Variants in GLI2 observed in about 807,000 individuals in gnomAD.
GLI2 encodes GLI family zinc finger 2, also known as transcription activator GLI2.
A neutral mutation model predicts 78.9 loss-of-function variants in GLI2; 22 were observed. The observed-to-expected ratio is 0.28, with a 90% confidence interval of 0.20 to 0.40. The LOEUF (loss-of-function observed/expected upper bound fraction) is 0.40. GLI2 is among the 10% of genes least tolerant of loss of function. The pLI, the probability that GLI2 is intolerant of heterozygous loss-of-function variation, is 1.00. For missense variants in GLI2, 2,097 were observed against 2,213.2 expected (o/e 0.95, Z 1.05); for synonymous variants, 974 against 963.7 (o/e 1.01, Z -0.20).
chr2:120,928,865 A>G (rs1489800082), intron 3 of GLI2, among the ~76,000 whole-genome samples: 2 of 152,258 alleles, frequency 1.3e-5, no homozygotes, highest in Non-Finnish European at 2.9e-5. Context: ...AAATGTGGGC[A>G]TCTTACATAA....
At chr2:120,897,454 T>C (rs751463223) in intron 2 of GLI2, among the ~76,000 whole-genome samples, 8 of 152,210 alleles carry the variant, frequency 5.3e-5, no homozygotes, top group Admixed American at 1.3e-4. Flanking sequence ...GGCTCGACTT[T>C]ACTGTGGGTT....
chr2:120,863,017 A>C (rs1456030351), intron 2 of GLI2, among the ~76,000 whole-genome samples: 1 of 152,178 alleles, frequency 6.6e-6, no homozygotes, highest in Non-Finnish European at 1.5e-5. Context: ...TTGGGTTTTC[A>C]TCCATGTTAA....
chr2:120,859,662 C>T (rs1366853201), intron 2 of GLI2, among the ~76,000 whole-genome samples: 2 of 152,068 alleles, frequency 1.3e-5, no homozygotes, highest in African/African-American at 4.8e-5. Context: ...ACCATGTTGG[C>T]CACAATGGTC....
intron 1 of GLI2, among the ~76,000 whole-genome samples, chr2:120,787,126 AG>A (rs774356778): frequency 2.6e-5 from 4 of 152,172 alleles, no homozygotes; most frequent in Non-Finnish European, 4.4e-5. Flanking sequence ...CTGGCCTGGC[AG>A]GGGGTGGTCC....
intron 2 of GLI2, among the ~76,000 whole-genome samples, chr2:120,924,659 G>A (rs79919107): frequency 0.039 from 5,923 of 152,254 alleles, 354 homozygotes; most frequent in African/African-American, 0.13. Context: ...TTGGGAAAGC[G>A]AACACTGTTT....
At position 120,949,697 on chromosome 2, in the gene GLI2, C is replaced by T. The variant is rs113786706; in HGVS notation, c.255-1546C>T. Among the ~76,000 whole-genome samples the T allele has an allele frequency of 4.8e-3, 726 of 152,340 alleles. 2 individuals carry two copies. The highest frequency in any genetic ancestry group is 0.017 in the African/African-American group (699 of 41,584). Reference sequence around the variant, plus strand: ...AAAGGCAGAAGCAGGTTCGTGGGATCTACATGAGCAGGGCAGTCACGTCTG... The same window carrying T: ...AAAGGCAGAAGCAGGTTCGTGGGATTTACATGAGCAGGGCAGTCACGTCTG... On this transcript the variant is annotated intron_variant, in intron 3 of 13. Coordinates refer to ENST00000361492, the MANE Select transcript of GLI2 (RefSeq NM_001374353.1).
At chr2:120,860,417 G>A (rs1687852077) in intron 2 of GLI2, among the ~76,000 whole-genome samples, 1 of 152,184 alleles carries the variant, frequency 6.6e-6, no homozygotes, top group South Asian at 2.1e-4. Flanking sequence ...CCCAACACAG[G>A]CCCTGGGGCT....
chr2:120,878,492 G>A (rs535479919), intron 2 of GLI2, among the ~76,000 whole-genome samples: 1 of 152,170 alleles, frequency 6.6e-6, no homozygotes, highest in African/African-American at 2.4e-5. Context: ...TGAATCCACT[G>A]AAATATTTAT....
At chr2:120,887,747 G>A (rs970526908) in intron 2 of GLI2, among the ~76,000 whole-genome samples, 3 of 152,182 alleles carry the variant, frequency 2.0e-5, no homozygotes, top group East Asian at 1.9e-4. Context: ...TGTCAGGGTC[G>A]GGGGTCTCCT....
At chr2:120,976,828 G>C (rs1359507054) in intron 9 of GLI2, among the ~76,000 whole-genome samples, 1 of 152,190 alleles carries the variant, frequency 6.6e-6, no homozygotes, top group African/African-American at 2.4e-5. Context: ...CTGTCTGTCT[G>C]TCTCTCTCTG....
intron 3 of GLI2, among the ~76,000 whole-genome samples, chr2:120,940,361 T>TGGGGGGG (rs886580101): frequency 6.6e-6 from 1 of 152,192 alleles, no homozygotes; most frequent in Admixed American, 6.5e-5. Context: ...CTTCAGCCTC[T>TGGGGGGG]GGACTATAGT....
At chr2:120,865,586 C>G (rs985458040) in intron 2 of GLI2, among the ~76,000 whole-genome samples, 4 of 152,216 alleles carry the variant, frequency 2.6e-5, no homozygotes, top group African/African-American at 9.7e-5. Context: ...GTTTTGCTGA[C>G]CCGGGAGCGT....
At chr2:120,756,210 T>C (rs1683028884) in intron 1 of GLI2, among the ~76,000 whole-genome samples, 1 of 152,194 alleles carries the variant, frequency 6.6e-6, no homozygotes, top group Non-Finnish European at 1.5e-5. Flanking sequence ...GAACGAGGTA[T>C]GTCCTTCCAT....
intron 1 of GLI2, among the ~76,000 whole-genome samples, chr2:120,754,883 A>T: frequency 2.1e-5 from 3 of 144,382 alleles, no homozygotes; most frequent in African/African-American, 7.8e-5. Flanking sequence ...ACAGAGTTTC[A>T]CTCTTGTTGC....
chr2:120,882,759 TTG>T (rs1677215118), intron 2 of GLI2, among the ~76,000 whole-genome samples: 1 of 152,254 alleles, frequency 6.6e-6, no homozygotes, highest in Non-Finnish European at 1.5e-5. Flanking sequence ...GATAGCTGGT[TTG>T]GTCTCACATC....
chr2:120,782,011 T>C (rs1683862816), intron 1 of GLI2, among the ~76,000 whole-genome samples: 1 of 152,266 alleles, frequency 6.6e-6, no homozygotes, highest in Non-Finnish European at 1.5e-5. Context: ...AGTTATAGTG[T>C]GTATGCAATT....
At chr2:120,751,260 AT>A (rs1176675547) in intron 1 of GLI2, among the ~76,000 whole-genome samples, 4 of 151,442 alleles carry the variant, frequency 2.6e-5, no homozygotes, top group Non-Finnish European at 5.9e-5. Flanking sequence ...GTTCTTCTAG[AT>A]TTTTTTTTCT....
chr2:120,759,724 A>C (rs911365492), intron 1 of GLI2, among the ~76,000 whole-genome samples: 1 of 152,074 alleles, frequency 6.6e-6, no homozygotes, highest in African/African-American at 2.4e-5. Flanking sequence ...GATCAACTTA[A>C]CCTTCAGCCC....
chr2:120,883,643 C>A (rs1185689103), intron 2 of GLI2, among the ~76,000 whole-genome samples: 1 of 152,174 alleles, frequency 6.6e-6, no homozygotes, highest in Non-Finnish European at 1.5e-5. Context: ...TTATTGTAAT[C>A]CTGTTTAACA....
Sources: allele counts gnomAD v4.1 joint callset (sites outside exome capture counted in the v4.1 genomes callset), GRCh38; gene constraint gnomAD v4.1.1; transcripts MANE v1.5; gene names NCBI Gene and HGNC (gene_info 2026-07-23, HGNC 2026-07-21).